Variants in EYA1 observed in about 807,000 individuals in gnomAD.
The protein encoded by EYA1 is EYA transcriptional coactivator and phosphatase 1.
EYA1 carries 16 observed loss-of-function variants against 82.0 expected under a neutral mutation model. The observed-to-expected ratio is 0.20, with a 90% CI of 0.13 to 0.30. The LOEUF is 0.30. EYA1 is among the 10% of genes least tolerant of loss of function. EYA1 has a pLI of 1.00. For synonymous variants in EYA1, 261 were observed against 264.4 expected (o/e 0.99, Z 0.12); for missense variants, 633 against 730.7 (o/e 0.87, Z 1.54).
chr8:71,356,619 A>C, intron 1 of EYA1, 108 bp from the exon 2 acceptor site: 1 of 1,412,012 alleles, frequency 7.1e-7, no homozygotes, highest in Middle Eastern at 1.8e-4. Flanking sequence ...CTTTTAACCA[A>C]AAGAGAAAAA....
intron 2 of EYA1, among the ~76,000 whole-genome samples, chr8:71,384,020 T>C (rs1382074964): frequency 1.4e-5 from 2 of 140,838 alleles, no homozygotes; most frequent in Non-Finnish European, 3.0e-5. Context: ...CTATCTTTAC[T>C]TTTTTTTTTA....
intron 2 of EYA1, among the ~76,000 whole-genome samples, chr8:71,447,182 C>T (rs1282832938): frequency 6.6e-6 from 1 of 151,790 alleles, no homozygotes; most frequent in Admixed American, 6.6e-5. Context: ...ATCACTCACC[C>T]CAGACCTTCC....
chr8:71,320,204 C>T (rs1421976354), intron 6 of EYA1, among the ~76,000 whole-genome samples: 2 of 152,100 alleles, frequency 1.3e-5, no homozygotes, highest in Non-Finnish European at 2.9e-5. Flanking sequence ...GGGAGATGTC[C>T]AGGTCCCACC....
rs570800336 is a variant in EYA1, at chr8:71,198,730, G to C, written c.*610C>G. 1 of 158,506 alleles carries C rather than the reference G, an allele frequency of 6.3e-6. No homozygotes were observed. Among genetic ancestry groups the C allele is most frequent in the Admixed American group, 6.0e-5 (1 of 16,650 alleles). The allele number at this position is 158,506 out of a possible 1,614,324, so 9.8% of individuals were successfully genotyped here. On this transcript the variant is annotated 3_prime_UTR_variant, in exon 18 of 18. Coordinates refer to ENST00000340726, the MANE Select transcript of EYA1 (RefSeq NM_000503.6). The stretch of plus-strand genomic sequence containing the variant: ...AAGTACTGTACTTGCCATGTTGTGA[G>C]GCAGAGGCCTTTAATCACTTATTTC...
intron 2 of EYA1, among the ~76,000 whole-genome samples, chr8:71,461,139 G>T (rs893331964): frequency 6.6e-6 from 1 of 152,094 alleles, no homozygotes; most frequent in Non-Finnish European, 1.5e-5. Flanking sequence ...TCCTTGAGGT[G>T]TTGCTTTTCT....
In EYA1 at chr8:71,271,776, G is replaced by A. The variant is rs1392371783; in HGVS notation, c.948C>T (p.Pro316=). Residue 316 remains proline (P), a synonymous_variant, in exon 10 of 18, where the codon CCC becomes CCT. Coordinates refer to ENST00000340726, the MANE Select transcript of EYA1 (RefSeq NM_000503.6). ...RGRRNNNPSP[P]PDSDLERVFI... ...GACGTACCTCAAGATCAGAATCTGG[G>A]GGAGGTGAAGGATTATTGTTTCTTC... 1 of 1,614,058 alleles carries A rather than the reference G, an allele frequency of 6.2e-7. No homozygotes were observed. Among genetic ancestry groups the A allele is most frequent in the African/African-American group, 1.3e-5 (1 of 74,916 alleles).
intron 17 of EYA1, among the ~76,000 whole-genome samples, chr8:71,210,793 G>A (rs554684137): frequency 2.6e-5 from 4 of 152,308 alleles, no homozygotes; most frequent in South Asian, 2.1e-4. Flanking sequence ...CTTAGGCTGC[G>A]TCCAGGCTCA....
chr8:71,490,026 A>G (rs1810881231), intron 2 of EYA1, among the ~76,000 whole-genome samples: 1 of 152,180 alleles, frequency 6.6e-6, no homozygotes. Context: ...ACTGGATCCC[A>G]GGCCCTGGGG....
At chr8:71,285,479 T>C (rs1368926922) in intron 9 of EYA1, among the ~76,000 whole-genome samples, 1 of 152,210 alleles carries the variant, frequency 6.6e-6, no homozygotes, top group Non-Finnish European at 1.5e-5. Context: ...GTGTACTCCT[T>C]ACATTGGGAG....
chr8:71,417,524 C>T (rs1385726250), intron 2 of EYA1, among the ~76,000 whole-genome samples: 1 of 152,090 alleles, frequency 6.6e-6, no homozygotes, highest in African/African-American at 2.4e-5. Flanking sequence ...TAGACAATTG[C>T]TAGTTGATGG....
chr8:71,378,471 ACTGT>A (rs1215058943), intron 2 of EYA1, among the ~76,000 whole-genome samples: 1 of 152,178 alleles, frequency 6.6e-6, no homozygotes, highest in Non-Finnish European at 1.5e-5. Flanking sequence ...CCAAAATTAA[ACTGT>A]CAGTAATAAA....
At chr8:71,240,537 G>C (rs936138502) in intron 12 of EYA1, among the ~76,000 whole-genome samples, 27 of 152,100 alleles carry the variant, frequency 1.8e-4, no homozygotes, top group African/African-American at 6.0e-4. Flanking sequence ...CACGAGAGGA[G>C]GGTTCCCACT....
chr8:71,353,395 TTAAG>T (rs1489805303), intron 3 of EYA1, among the ~76,000 whole-genome samples: 1 of 152,190 alleles, frequency 6.6e-6, no homozygotes, highest in Non-Finnish European at 1.5e-5. Context: ...TATAAATAAT[TTAAG>T]TTTCTCTCTG....
intron 2 of EYA1, among the ~76,000 whole-genome samples, chr8:71,514,953 T>C (rs1024284615): frequency 6.6e-6 from 1 of 152,124 alleles, no homozygotes; most frequent in African/African-American, 2.4e-5. Context: ...AAAACATTAG[T>C]AAAGAAGACA....
At chr8:71,516,294 T>A (rs1196011348) in intron 2 of EYA1, among the ~76,000 whole-genome samples, 2 of 152,206 alleles carry the variant, frequency 1.3e-5, no homozygotes, top group African/African-American at 4.8e-5. Context: ...CCTCTGAGAA[T>A]TCACAAGTCA....
At chr8:71,396,743 G>C (rs1829642526) in intron 2 of EYA1, among the ~76,000 whole-genome samples, 1 of 152,128 alleles carries the variant, frequency 6.6e-6, no homozygotes, top group South Asian at 2.1e-4. Flanking sequence ...AGTGTGATGT[G>C]GTGCTAAGAA....
At chr8:71,351,996 G>A (rs1364074008) in intron 3 of EYA1, among the ~76,000 whole-genome samples, 1 of 152,104 alleles carries the variant, frequency 6.6e-6, no homozygotes, top group Admixed American at 6.5e-5. Flanking sequence ...TTTTCAATTG[G>A]GCTGCGGAGA....
At chr8:71,376,063 A>C (rs1223594562) in intron 2 of EYA1, among the ~76,000 whole-genome samples, 2 of 152,242 alleles carry the variant, frequency 1.3e-5, no homozygotes, top group Non-Finnish European at 2.9e-5. Context: ...TAAAAATCAA[A>C]TGCAGGTAAA....
chr8:71,345,503 T>C (rs1213405307), intron 3 of EYA1, among the ~76,000 whole-genome samples: 1 of 152,148 alleles, frequency 6.6e-6, no homozygotes, highest in Admixed American at 6.5e-5. Flanking sequence ...GACTCTTGGC[T>C]CCCTGCTCTG....
Sources: gnomAD v4.1 joint callset for allele counts (sites outside exome capture counted in the v4.1 genomes callset) on GRCh38, gnomAD v4.1.1 for gene constraint, MANE v1.5 for transcripts, NCBI Gene and HGNC (gene_info 2026-07-23, HGNC 2026-07-21) for gene names.